Variants in NLGN4X observed in about 807,000 individuals in gnomAD.
NLGN4X encodes neuroligin-4, X-linked.
NLGN4X carries 3 observed loss-of-function variants against 40.3 expected under a neutral mutation model. The ratio of observed to expected loss-of-function variants is 0.07; its 90% CI spans 0.03 to 0.19. NLGN4X has a LOEUF of 0.19. Ranked by LOEUF, NLGN4X falls within the 10% of genes least tolerant of loss-of-function variation. The pLI is 1.00. For missense variants in NLGN4X, 382 were observed against 708.3 expected (o/e 0.54, Z 5.23); for synonymous variants, 270 against 306.8 (o/e 0.88, Z 1.25).
intron 2 of NLGN4X, among the ~76,000 whole-genome samples, chrX:6,137,630 C>A: frequency 9.0e-6 from 1 of 111,490 alleles, no homozygotes; most frequent in Non-Finnish European, 1.9e-5. Context: ...CTTCTCATAG[C>A]TACTCAAATT....
chrX:5,901,382 T>C (rs1414632418), intron 5 of NLGN4X, among the ~76,000 whole-genome samples: 4 of 111,654 alleles, frequency 3.6e-5, no homozygotes, highest in African/African-American at 1.3e-4. Context: ...TCATTCAGTG[T>C]AAAGAGGCTC....
At chrX:6,194,410 C>T (rs1922862247) in intron 1 of NLGN4X, among the ~76,000 whole-genome samples, 1 of 111,265 alleles carries the variant, frequency 9.0e-6, no homozygotes, top group Admixed American at 9.6e-5. Context: ...AAGCAAGAAC[C>T]ATCGATAAGT....
intron 2 of NLGN4X, among the ~76,000 whole-genome samples, chrX:6,115,497 G>A (rs73627053): frequency 0.17 from 19,033 of 110,873 alleles, 1,297 homozygotes; most frequent in Non-Finnish European, 0.19. Flanking sequence ...GAAGGAGAGA[G>A]ATGAATTAAC....
chrX:6,005,194 G>T (rs1445535589), intron 3 of NLGN4X, among the ~76,000 whole-genome samples: 1 of 112,286 alleles, frequency 8.9e-6, no homozygotes, highest in Non-Finnish European at 1.9e-5. Context: ...TGGGGATTCT[G>T]TCCCAATGCA....
intron 3 of NLGN4X, among the ~76,000 whole-genome samples, chrX:6,004,648 A>G (rs2036057524): frequency 1.8e-5 from 2 of 112,059 alleles, no homozygotes; most frequent in East Asian, 5.6e-4. Flanking sequence ...ACTAAACATT[A>G]AGTGATGCCA....
intron 2 of NLGN4X, among the ~76,000 whole-genome samples, chrX:6,059,135 G>A (rs908415666): frequency 8.9e-6 from 1 of 112,023 alleles, no homozygotes; most frequent in African/African-American, 3.2e-5. Flanking sequence ...GAGTACTTGG[G>A]AAAATTCCAG....
intron 2 of NLGN4X, among the ~76,000 whole-genome samples, chrX:6,075,934 T>C (rs1025030554): frequency 8.1e-5 from 9 of 111,551 alleles, no homozygotes; most frequent in African/African-American, 2.9e-4. Flanking sequence ...CAGAGGGTGA[T>C]CATACAAAAT....
intron 2 of NLGN4X, among the ~76,000 whole-genome samples, chrX:6,039,854 T>C (rs2037111755): frequency 1.8e-5 from 2 of 112,442 alleles, no homozygotes; most frequent in Admixed American, 1.9e-4. Flanking sequence ...TGGCCTCTTT[T>C]TGAGCATGTA....
chrX:5,929,032 G>A (rs2033435758), intron 3 of NLGN4X, among the ~76,000 whole-genome samples: 1 of 109,437 alleles, frequency 9.1e-6, no homozygotes, highest in South Asian at 3.9e-4. Flanking sequence ...CCTGTTAGAG[G>A]AAAATGCAAT....
chrX:6,165,045 C>CCT (rs2040471492), intron 1 of NLGN4X, among the ~76,000 whole-genome samples: 1 of 111,276 alleles, frequency 9.0e-6, no homozygotes, highest in Non-Finnish European at 1.9e-5. Context: ...CAGGCTTGAA[C>CCT]CTCATCACCT....
At chrX:6,140,829 A>T (rs1178012565) in intron 2 of NLGN4X, among the ~76,000 whole-genome samples, 4 of 109,522 alleles carry the variant, frequency 3.7e-5, no homozygotes, top group African/African-American at 1.0e-4. Context: ...CCACCCACCT[A>T]GACCTCCCCA....
At chrX:6,083,868 G>C (rs1231833388) in intron 2 of NLGN4X, among the ~76,000 whole-genome samples, 1 of 111,658 alleles carries the variant, frequency 9.0e-6, no homozygotes, top group East Asian at 2.8e-4. Context: ...TTCTAATAGG[G>C]GCTAAAATTA....
intron 2 of NLGN4X, among the ~76,000 whole-genome samples, chrX:6,057,141 GATCACATTTTGTGATC>G (rs2037652373): frequency 1.8e-5 from 2 of 112,117 alleles, no homozygotes; most frequent in Non-Finnish European, 3.8e-5. Flanking sequence ...ATTGTCACAA[GATCACATTTTGTGATC>G]ATCAATCATT....
At chrX:6,106,015 AG>A (rs1451821295) in intron 2 of NLGN4X, among the ~76,000 whole-genome samples, 11 of 111,635 alleles carry the variant, frequency 9.9e-5, no homozygotes, top group African/African-American at 3.6e-4. Context: ...GACAAGAGGA[AG>A]GGGACTCAGA....
At chrX:6,120,013 G>A (rs188558266) in intron 2 of NLGN4X, among the ~76,000 whole-genome samples, 67 of 111,265 alleles carry the variant, frequency 6.0e-4, no homozygotes, top group Admixed American at 1.7e-3. Flanking sequence ...AAATTGCTAC[G>A]TAATCACAGC....
intron 2 of NLGN4X, among the ~76,000 whole-genome samples, chrX:6,140,898 T>A (rs1234607636): frequency 9.0e-6 from 1 of 111,103 alleles, no homozygotes; most frequent in African/African-American, 3.3e-5. Flanking sequence ...CTGGACCTGC[T>A]TCTCTGAACC....
At chrX:6,082,614 G>A (rs1315527926) in intron 2 of NLGN4X, among the ~76,000 whole-genome samples, 1 of 111,467 alleles carries the variant, frequency 9.0e-6, no homozygotes, top group Admixed American at 9.5e-5. Context: ...GCATATATAT[G>A]TATACATAAA....
chrX:6,220,734 C>CTTTTTTTTTTTTT (rs774553248), intron 1 of NLGN4X, among the ~76,000 whole-genome samples: 1 of 66,753 alleles, frequency 1.5e-5, no homozygotes, highest in Non-Finnish European at 2.5e-5. Flanking sequence ...TTATAACTTT[C>CTTTTTTTTTTTTT]TTTTTTTTTT....
At chrX:6,089,627 C>A (rs892770648) in intron 2 of NLGN4X, among the ~76,000 whole-genome samples, 1 of 112,059 alleles carries the variant, frequency 8.9e-6, no homozygotes, top group African/African-American at 3.2e-5. Context: ...GAAGGGATAC[C>A]CCCTTATGAC....
Sources: allele counts gnomAD v4.1 joint callset (sites outside exome capture counted in the v4.1 genomes callset), GRCh38; gene constraint gnomAD v4.1.1; transcripts MANE v1.5; gene names NCBI Gene and HGNC (gene_info 2026-07-23, HGNC 2026-07-21).